Variants in SGMS2 observed in about 807,000 individuals in gnomAD.
SGMS2 encodes the protein sphingomyelin synthase 2, also known as phosphatidylcholine:ceramide cholinephosphotransferase 2.
In SGMS2, 21 loss-of-function variants were observed where a neutral mutation model predicts 43.8. The ratio of observed to expected loss-of-function variants is 0.48; its 90% CI spans 0.34 to 0.69. The LOEUF (loss-of-function observed/expected upper bound fraction) is 0.69, where lower values mean the gene tolerates loss of function less well. Among genes scored for constraint, SGMS2 ranks in the 30% least tolerant of loss-of-function variants. The probability of loss-of-function intolerance (pLI) is 0.01; values close to 1 mark genes in which losing one functional copy is unlikely to be tolerated. For synonymous variants in SGMS2, 167 were observed against 160.6 expected (o/e 1.04, Z -0.30); for missense variants, 384 against 443.2 (o/e 0.87, Z 1.20).
intron 4 of SGMS2, among the ~76,000 whole-genome samples, chr4:107,902,275 G>A (rs555935094): frequency 8.2e-6 from 1 of 121,828 alleles, no homozygotes; most frequent in African/African-American, 4.6e-5. Flanking sequence ...GGGTGAAAGA[G>A]CAAGACCCTG....
In SGMS2 at chr4:107,866,507, A is replaced by C. The variant is rs563117830; in HGVS notation, c.-245+7954A>C. On this transcript the variant is annotated intron_variant, in intron 2 of 6. Transcript: ENST00000690982. ...CTTGAACCTGAGAGGCGGAGGTTGC[A>C]GTGAGCTGAGATCGCGCCATTGCAC... Among the ~76,000 whole-genome samples the C allele has an allele frequency of 2.6e-5, 4 of 152,120 alleles. No homozygotes were observed. In the East Asian group the frequency reaches 7.8e-4, roughly 29 times the overall value.
At chr4:107,887,538 T>C (rs1049009962) in intron 2 of SGMS2, among the ~76,000 whole-genome samples, 1 of 152,198 alleles carries the variant, frequency 6.6e-6, no homozygotes, top group South Asian at 2.1e-4. Flanking sequence ...TTCTGCATAA[T>C]TTTTATACCA....
intron 1 of SGMS2, among the ~76,000 whole-genome samples, chr4:107,852,955 G>A (rs74902109): frequency 0.069 from 10,522 of 152,096 alleles, 449 homozygotes; most frequent in Admixed American, 0.11. Context: ...TTTTCTCACT[G>A]GTAAGGTTAA....
chr4:107,856,088 C>T (rs992087819), intron 1 of SGMS2, among the ~76,000 whole-genome samples: 1 of 152,166 alleles, frequency 6.6e-6, no homozygotes, highest in African/African-American at 2.4e-5. Flanking sequence ...ATAGCATTCC[C>T]TCTTCCACTA....
At chr4:107,898,758 G>A (rs1407463537) in intron 3 of SGMS2, among the ~76,000 whole-genome samples, 2 of 152,186 alleles carry the variant, frequency 1.3e-5, no homozygotes, top group African/African-American at 2.4e-5. Context: ...AGGATCCTCC[G>A]TCATCCACTG....
rs73838234 is a variant in SGMS2, at chr4:107,827,534, C to T, written c.-327+2281C>T. Among the ~76,000 whole-genome samples, 1,407 of 152,208 alleles carry T rather than the reference C, an allele frequency of 9.2e-3. 15 individuals are homozygous for T. The highest frequency in any genetic ancestry group is 0.022 in the African/African-American group (924 of 41,510). ...TTCTGAATGGTCTTGAATAGGGGCT[C>T]GTAAATTCTTTATGAGGCCGAATAA... is the stretch of plus-strand genomic sequence containing the variant. On this transcript the variant is annotated intron_variant, in intron 1 of 6. Transcript: ENST00000690982.
chr4:107,894,669 T>C (rs1330699086), intron 2 of SGMS2, among the ~76,000 whole-genome samples: 1 of 152,140 alleles, frequency 6.6e-6, no homozygotes, highest in Non-Finnish European at 1.5e-5. Context: ...CTTTTCAGAG[T>C]TATTTTGAAG....
intron 1 of SGMS2, among the ~76,000 whole-genome samples, chr4:107,851,019 A>G (rs1248699664): frequency 6.6e-6 from 1 of 152,164 alleles, no homozygotes; most frequent in Non-Finnish European, 1.5e-5. Context: ...AGCATCCTGA[A>G]TATTTAATTT....
intron 2 of SGMS2, among the ~76,000 whole-genome samples, chr4:107,878,793 A>G (rs778410852): frequency 1.6e-4 from 24 of 152,334 alleles, no homozygotes; most frequent in Admixed American, 6.5e-4. Flanking sequence ...TTTAATCATT[A>G]AATTTTCCAG....
chr4:107,838,613 G>T (rs1030802128), intron 1 of SGMS2, among the ~76,000 whole-genome samples: 1 of 152,074 alleles, frequency 6.6e-6, no homozygotes, highest in African/African-American at 2.4e-5. Flanking sequence ...TCCAAAGTTC[G>T]CAGGCCCTTC....
chr4:107,844,002 C>T (rs1018367404), intron 1 of SGMS2, among the ~76,000 whole-genome samples: 1 of 152,094 alleles, frequency 6.6e-6, no homozygotes, highest in African/African-American at 2.4e-5. Flanking sequence ...TATTCTTGAT[C>T]GATGAGTAGT....
intron 2 of SGMS2, among the ~76,000 whole-genome samples, chr4:107,886,364 ATTTTTTTTTTT>A (rs67228519): frequency 1.1e-4 from 12 of 106,250 alleles, no homozygotes; most frequent in Admixed American, 1.1e-4. Context: ...CACCCAGCTA[ATTTTTTTTTTT>A]TTTTTTTTTT....
chr4:107,887,234 T>A (rs965751009), intron 2 of SGMS2, among the ~76,000 whole-genome samples: 21 of 152,134 alleles, frequency 1.4e-4, no homozygotes, highest in Admixed American at 5.9e-4. Flanking sequence ...GGAGCACCTG[T>A]AAGGGTTTTA....
chr4:107,829,905 TA>T (rs1372495077), intron 1 of SGMS2, among the ~76,000 whole-genome samples: 1 of 152,136 alleles, frequency 6.6e-6, no homozygotes, highest in African/African-American at 2.4e-5. Context: ...TTCCAGCTTT[TA>T]TTTTGGGTGT....
At chr4:107,841,261 A>T (rs1415631647) in intron 1 of SGMS2, among the ~76,000 whole-genome samples, 1 of 152,152 alleles carries the variant, frequency 6.6e-6, no homozygotes, top group African/African-American at 2.4e-5. Flanking sequence ...GTTCAGGGTA[A>T]TTGAACCAAC....
intron 1 of SGMS2, among the ~76,000 whole-genome samples, chr4:107,828,624 A>C (rs1349728271): frequency 4.6e-5 from 7 of 152,182 alleles, no homozygotes; most frequent in Non-Finnish European, 1.0e-4. Context: ...CTCTGCATTA[A>C]ATCTTTCTAG....
chr4:107,824,814 G>A (rs1725473725), upstream of SGMS2: 1 of 152,262 alleles, frequency 6.6e-6, no homozygotes. Context: ...GTTTGGAAAT[G>A]GAGTGGGCGG....
At position 107,895,562 on chromosome 4, in the gene SGMS2, C is replaced by T. The variant is rs746612884; in HGVS notation, c.9C>T (p.Ile3=). 3.1e-6 allele frequency: 5 copies of T among 1,613,172 alleles called. No homozygotes were observed. In the Admixed American group the frequency reaches 8.3e-5, roughly 27 times the overall value. Residue 3 remains isoleucine, a synonymous_variant, in exon 3 of 7, where the codon ATC becomes ATT. Transcript: ENST00000690982. MD[I]IETAKLEEHL... ...CTGAAGACTAGGGGACAATGGATAT[C>T]ATAGAGACAGCAAAACTTGAAGAAC...
At chr4:107,851,399 A>G (rs1727137087) in intron 1 of SGMS2, among the ~76,000 whole-genome samples, 1 of 152,234 alleles carries the variant, frequency 6.6e-6, no homozygotes. Context: ...AATAAAAACT[A>G]GAGGACATGG....
Sources: allele counts gnomAD v4.1 joint callset (sites outside exome capture counted in the v4.1 genomes callset), GRCh38; gene constraint gnomAD v4.1.1; transcripts MANE v1.5; gene names NCBI Gene and HGNC (gene_info 2026-07-23, HGNC 2026-07-21).